Variants in CNTNAP2 observed in about 807,000 individuals in gnomAD.
CNTNAP2 encodes the protein contactin associated protein 2.
Under a neutral mutation model 155.2 loss-of-function variants are expected in CNTNAP2, and 98 were observed. The observed-to-expected ratio is 0.63, with a 90% CI of 0.54 to 0.75. CNTNAP2 has a LOEUF of 0.75. CNTNAP2 is among the 30% of genes least tolerant of loss of function. CNTNAP2 has a pLI of 0.00. For missense variants in CNTNAP2, 1,727 were observed against 1,688.1 expected (o/e 1.02, Z -0.40); for synonymous variants, 651 against 631.2 (o/e 1.03, Z -0.47).
intron 1 of CNTNAP2, among the ~76,000 whole-genome samples, chr7:146,464,185 C>CTTT (rs1554437059): frequency 8.5e-4 from 77 of 90,710 alleles, no homozygotes; most frequent in South Asian, 3.6e-3. Context: ...TCCTTTGAAA[C>CTTT]TGTTTTTTTT....
chr7:147,489,587 C>T (rs191663013), intron 11 of CNTNAP2, among the ~76,000 whole-genome samples: 15 of 152,134 alleles, frequency 9.9e-5, no homozygotes, highest in Non-Finnish European at 1.5e-5. Flanking sequence ...TTGACTTATC[C>T]CTGCTTCAGT....
At chr7:147,280,032 T>A (rs763537523) in intron 8 of CNTNAP2, among the ~76,000 whole-genome samples, 1 of 151,914 alleles carries the variant, frequency 6.6e-6, no homozygotes, top group Non-Finnish European at 1.5e-5. Flanking sequence ...TACAATGGAC[T>A]CTTTCTGCCT....
At chr7:147,950,280 A>G (rs527769990) in intron 14 of CNTNAP2, among the ~76,000 whole-genome samples, 10 of 151,182 alleles carry the variant, frequency 6.6e-5, no homozygotes, top group Non-Finnish European at 1.3e-4. Flanking sequence ...AGCACATCAG[A>G]TAAATATGAT....
chr7:148,368,990 G>A (rs1637861), intron 21 of CNTNAP2, among the ~76,000 whole-genome samples: 51,672 of 151,820 alleles, frequency 0.34, 9,196 homozygotes, highest in Non-Finnish European at 0.39. Context: ...CTTTAGTTTC[G>A]CTTCTCTTTC....
At chr7:148,288,635 T>TG (rs1272784694) in intron 21 of CNTNAP2, among the ~76,000 whole-genome samples, 1 of 152,216 alleles carries the variant, frequency 6.6e-6, no homozygotes, top group Non-Finnish European at 1.5e-5. Flanking sequence ...TAATAATTTG[T>TG]GGGTCTATTC....
intron 3 of CNTNAP2, among the ~76,000 whole-genome samples, chr7:146,872,950 C>T (rs1562981707): frequency 6.6e-6 from 1 of 152,208 alleles, no homozygotes; most frequent in Non-Finnish European, 1.5e-5. Context: ...ACTATCCCAA[C>T]ATAGCACCTG....
At chr7:146,936,943 T>C (rs1182663351) in intron 3 of CNTNAP2, among the ~76,000 whole-genome samples, 1 of 152,224 alleles carries the variant, frequency 6.6e-6, no homozygotes, top group Non-Finnish European at 1.5e-5. Flanking sequence ...ACTAAACTCC[T>C]TTAAATTTAA....
chr7:147,007,849 A>G (rs1158913740), intron 3 of CNTNAP2, among the ~76,000 whole-genome samples: 5 of 152,188 alleles, frequency 3.3e-5, no homozygotes, highest in South Asian at 2.1e-4. Context: ...AATTACAAAA[A>G]AAATACTTAT....
At chr7:146,375,648 G>A (rs1795294195) in intron 1 of CNTNAP2, among the ~76,000 whole-genome samples, 1 of 152,178 alleles carries the variant, frequency 6.6e-6, no homozygotes, top group Non-Finnish European at 1.5e-5. Flanking sequence ...TTTGAGGCAT[G>A]TTTAATGAAT....
At chr7:147,439,280 G>A (rs1160872023) in intron 10 of CNTNAP2, among the ~76,000 whole-genome samples, 1 of 151,842 alleles carries the variant, frequency 6.6e-6, no homozygotes, top group Non-Finnish European at 1.5e-5. Context: ...GTTTTGGTAT[G>A]TTGTGTTTCC....
intron 9 of CNTNAP2, among the ~76,000 whole-genome samples, chr7:147,344,380 A>G (rs1202655915): frequency 6.6e-6 from 1 of 152,222 alleles, no homozygotes; most frequent in African/African-American, 2.4e-5. Flanking sequence ...CCAAAAGCTA[A>G]GAGGATAAAT....
chr7:148,306,301 T>G (rs1470832045), intron 21 of CNTNAP2, among the ~76,000 whole-genome samples: 1 of 152,178 alleles, frequency 6.6e-6, no homozygotes, highest in Non-Finnish European at 1.5e-5. Flanking sequence ...GTGGGTCTAT[T>G]TTGACTCTTT....
intron 1 of CNTNAP2, among the ~76,000 whole-genome samples, chr7:146,595,797 A>G (rs1798850662): frequency 6.6e-6 from 1 of 152,018 alleles, no homozygotes. Context: ...CATAAATCAA[A>G]GTTGTTTCTG....
chr7:146,951,575 T>A lies in CNTNAP2; in HGVS notation c.403-92332T>A, dbSNP rs576543683. On this transcript the variant is annotated intron_variant, in intron 3 of 23. Coordinates refer to ENST00000361727, the MANE Select transcript of CNTNAP2 (RefSeq NM_014141.6). The stretch of plus-strand genomic sequence containing the variant: ...GAATGCTTTCCCCATTGCTTGTTTT[T>A]ATCAGGTTTGTCAAAGATCCGATGG... 4.7e-3 allele frequency among the ~76,000 whole-genome samples: 721 copies of A among 152,298 alleles called. 8 individuals carry two copies. The highest frequency in any genetic ancestry group is 0.016 in the African/African-American group (684 of 41,562).
chr7:146,942,991 C>T (rs1020392291), intron 3 of CNTNAP2, among the ~76,000 whole-genome samples: 2 of 152,018 alleles, frequency 1.3e-5, no homozygotes, highest in Non-Finnish European at 1.5e-5. Flanking sequence ...TACATGTTGG[C>T]TTAAAACTGT....
chr7:146,373,847 A>G (rs890726495), intron 1 of CNTNAP2, among the ~76,000 whole-genome samples: 7 of 152,202 alleles, frequency 4.6e-5, no homozygotes, highest in Admixed American at 2.6e-4. Context: ...TATCAGAAAC[A>G]CCATTCTGAA....
chr7:148,399,420 A>C (rs1799538215), intron 22 of CNTNAP2, among the ~76,000 whole-genome samples: 1 of 152,186 alleles, frequency 6.6e-6, no homozygotes, highest in Admixed American at 6.5e-5. Context: ...TGTCTCTAAA[A>C]AGAAAATTTT....
chr7:146,840,708 T>C (rs1265629729), intron 3 of CNTNAP2, among the ~76,000 whole-genome samples: 1 of 152,056 alleles, frequency 6.6e-6, no homozygotes, highest in African/African-American at 2.4e-5. Context: ...TTAGTTGGAG[T>C]GCTGGATATT....
At chr7:146,737,829 T>A (rs543126529) in intron 1 of CNTNAP2, among the ~76,000 whole-genome samples, 1 of 152,242 alleles carries the variant, frequency 6.6e-6, no homozygotes, top group East Asian at 1.9e-4. Context: ...TCGTTCTTTT[T>A]TAATGGGTGA....
Sources: allele counts gnomAD v4.1 joint callset (sites outside exome capture counted in the v4.1 genomes callset), GRCh38; gene constraint gnomAD v4.1.1; transcripts MANE v1.5; gene names NCBI Gene and HGNC (gene_info 2026-07-23, HGNC 2026-07-21).